The following PDGFRB variants were observed in gnomAD, a reference collection of about 807,000 sequenced individuals.
PDGFRB encodes platelet derived growth factor receptor beta.
In PDGFRB, 42 loss-of-function variants were observed where a neutral mutation model predicts 120.2. The observed-to-expected ratio is 0.35, with a 90% CI of 0.27 to 0.45. The LOEUF is 0.45. Ranked by LOEUF, PDGFRB falls within the 20% of genes least tolerant of loss-of-function variation. The pLI, the probability that PDGFRB is intolerant of heterozygous loss-of-function variation, is 1.00. For missense variants in PDGFRB, 1,149 were observed against 1,476.3 expected (o/e 0.78, Z 3.63); for synonymous variants, 586 against 606.8 (o/e 0.97, Z 0.50).
intron 13 of PDGFRB, 164 bp from the exon 14 acceptor site, chr5:150,124,524 A>G (rs1245582615): frequency 4.8e-6 from 3 of 630,726 alleles, no homozygotes; most frequent in Admixed American, 2.9e-5. Context: ...AGGCCAGGGT[A>G]GGGGGAAGCA....
At chr5:150,123,776 T>C (rs1303486146) in intron 14 of PDGFRB, among the ~76,000 whole-genome samples, 1 of 152,208 alleles carries the variant, frequency 6.6e-6, no homozygotes, top group Non-Finnish European at 1.5e-5. Flanking sequence ...AATCTCACAA[T>C]AAGCAGCTGC....
intron 1 of PDGFRB, among the ~76,000 whole-genome samples, chr5:150,145,108 C>T (rs941285543): frequency 6.6e-6 from 1 of 152,230 alleles, no homozygotes; most frequent in African/African-American, 2.4e-5. Flanking sequence ...CAAGGCCAAC[C>T]CTTCCTCTTC....
At position 150,155,116 on chromosome 5, in the gene PDGFRB, G is replaced by A. The variant is rs955415901; in HGVS notation, c.-7+281C>T. Among the ~76,000 whole-genome samples, 3 of 151,958 alleles carry A rather than the reference G, an allele frequency of 2.0e-5. No homozygotes were observed. The South Asian group carries it at 6.2e-4, about 32-fold the overall frequency. ...CCATTGACTGTGCTGTGCTTTGGAG[G>A]CCCCCAGTCAGCACCCAGAAACCCC... On this transcript the variant is annotated intron_variant, in intron 1 of 22. Coordinates refer to ENST00000261799, the MANE Select transcript of PDGFRB (RefSeq NM_002609.4).
intron 22 of PDGFRB, 92 bp downstream of exon 22, chr5:150,117,526 C>G: frequency 3.1e-6 from 2 of 635,342 alleles, no homozygotes. Context: ...GCAAACCTGG[C>G]AGCGCGCGCG....
chr5:150,115,722 A>T lies in PDGFRB; in HGVS notation c.*41T>A. ...AGGCCAGGAGATGCTGGGTGCTGGC[A>T]GGGGGGGAGCTTCAGGCAGGGCAGG... On this transcript the variant is annotated 3_prime_UTR_variant, in exon 23 of 23. Coordinates refer to ENST00000261799, the MANE Select transcript of PDGFRB (RefSeq NM_002609.4). The T allele has an allele frequency of 6.6e-7, 1 of 1,519,108 alleles. No individual in the cohort carries two copies. Among genetic ancestry groups the T allele is most frequent in the Non-Finnish European group, 8.8e-7 (1 of 1,132,862 alleles). 94.1% of individuals were successfully genotyped at this position (1,519,108 alleles called of 1,614,324 possible). A position where few individuals can be genotyped will look rare whatever the true frequency, so the allele number is the denominator to read the frequency against.
At chr5:150,144,920 C>T (rs1760879727) in intron 1 of PDGFRB, among the ~76,000 whole-genome samples, 2 of 152,174 alleles carry the variant, frequency 1.3e-5, no homozygotes, top group South Asian at 4.1e-4. Flanking sequence ...CCTCCAACAG[C>T]CTTAAAAATA....
chr5:150,126,881 C>T (rs980543966), intron 10 of PDGFRB, among the ~76,000 whole-genome samples: 19 of 152,248 alleles, frequency 1.2e-4, no homozygotes, highest in South Asian at 2.1e-4. Flanking sequence ...GTCAGTCTGG[C>T]CTTGCTGCCA....
At position 150,155,642 on chromosome 5, in the gene PDGFRB, C is replaced by A. The variant is rs1761210428; in HGVS notation, c.-252G>T. On this transcript the variant is annotated 5_prime_UTR_variant, in exon 1 of 23. It removes an upstream start codon present in the reference 5' UTR. Transcript: ENST00000261799. Reference sequence around the variant, plus strand: ...GCCCAGCTTCGCCTCACTCCCCAAGCATCCTTCGGGAGGAGCAGAGCCGCC... The same window carrying A: ...GCCCAGCTTCGCCTCACTCCCCAAGAATCCTTCGGGAGGAGCAGAGCCGCC... The A allele has an allele frequency of 2.5e-6, 1 of 398,786 alleles. No individual in the cohort carries two copies. Among genetic ancestry groups the A allele is most frequent in the Non-Finnish European group, 4.4e-6 (1 of 226,210 alleles). The allele number at this position is 398,786 out of a possible 1,614,324, so 24.7% of individuals were successfully genotyped here. A position where few individuals can be genotyped will look rare whatever the true frequency, so the allele number is the denominator to read the frequency against.
At chr5:150,146,876 C>T (rs1165628240) in intron 1 of PDGFRB, among the ~76,000 whole-genome samples, 1 of 152,226 alleles carries the variant, frequency 6.6e-6, no homozygotes, top group African/African-American at 2.4e-5. Flanking sequence ...ATCTGGGTCC[C>T]GCCTCTGCTC....
At position 150,154,933 on chromosome 5, in the gene PDGFRB, G is replaced by T. The variant is rs368521033; in HGVS notation, c.-7+464C>A. Reference sequence around the variant, plus strand: ...CATTTAAATCCCCAGAGGTTGCCTGGCGGCTGACTGGCCTAAAGCCAGACT... The same window carrying T: ...CATTTAAATCCCCAGAGGTTGCCTGTCGGCTGACTGGCCTAAAGCCAGACT... On this transcript the variant is annotated intron_variant, in intron 1 of 22. Coordinates refer to ENST00000261799, the MANE Select transcript of PDGFRB (RefSeq NM_002609.4). Among the ~76,000 whole-genome samples, 8 of 152,234 alleles carry T rather than the reference G, an allele frequency of 5.3e-5. No individual in the cohort carries two copies. In the South Asian group the frequency reaches 6.2e-4, roughly 12 times the overall value.
chr5:150,120,020 A>G lies in PDGFRB; in HGVS notation c.2690T>C (p.Phe897Ser). 6.5e-7 allele frequency: 1 copy of G among 1,539,470 alleles called. No homozygotes were observed. The highest frequency in any genetic ancestry group is 9.0e-7 in the Non-Finnish European group (1 of 1,112,436). ...GGAGGAAGCAAGCATACCCAAGGTG[A>G]AGATCTCCCAGAGCAGGATCCCGAA... ...WSFGILLWEI[F>S]TLGGTPYPEL... The change falls in exon 19 of 23, where the codon TTC (phenylalanine) becomes TCC (serine). Residue 897 changes from phenylalanine (F) to serine (S), a missense_variant. Phe to Ser is a radical substitution (Grantham distance 155). This residue lies in a region of PDGFRB where 68 missense variants were observed against 153.3 expected (regional missense o/e 0.44). Transcript: ENST00000261799. This position sits in a 1 kb window ranked among gnomAD's most constrained non-coding sequence, Gnocchi z 4.3.
rs548203965 is a variant in PDGFRB, at chr5:150,125,319, C to G, written c.1807+126G>C. 75 of 729,588 alleles carry G rather than the reference C, an allele frequency of 1.0e-4. No homozygotes were observed. In the African/African-American group the frequency reaches 1.3e-3, roughly 12 times the overall value. 45.2% of individuals were successfully genotyped at this position (729,588 alleles called of 1,614,324 possible). A position where few individuals can be genotyped will look rare whatever the true frequency, so the allele number is the denominator to read the frequency against. The stretch of plus-strand genomic sequence containing the variant: ...TTGTACATAGTAGGAGATGGAGGGC[C>G]AGAGAAGGCAAGACACCAGCCCTAG... On this transcript the variant is annotated intron_variant, in intron 12 of 22. Transcript: ENST00000261799.
rs1759904461 is a variant in PDGFRB at position 150,115,684 on chromosome 5, G to A, written c.*79C>T. 7.4e-7 allele frequency: 1 copy of A among 1,352,506 alleles called. No homozygotes were observed. The highest frequency in any genetic ancestry group is 1.5e-5 in the African/African-American group (1 of 67,850). The allele number at this position is 1,352,506 out of a possible 1,614,324, so 83.8% of individuals were successfully genotyped here. ...ATAAGGGCAGCCTGGCTGACAGGAAGCCCGGTCAGGCCAGGCCAGGAGATG... is the reference window on the plus strand; with the variant it reads ...ATAAGGGCAGCCTGGCTGACAGGAAACCCGGTCAGGCCAGGCCAGGAGATG... On this transcript the variant is annotated 3_prime_UTR_variant, in exon 23 of 23. Transcript: ENST00000261799.
intron 2 of PDGFRB, among the ~76,000 whole-genome samples, chr5:150,136,630 G>A (rs1760640910): frequency 6.6e-6 from 1 of 152,160 alleles, no homozygotes; most frequent in African/African-American, 2.4e-5. Context: ...GTGAGGGGTG[G>A]GGTGTGCTGA....
At chr5:150,136,622 G>A (rs1448270276) in intron 2 of PDGFRB, among the ~76,000 whole-genome samples, 1 of 152,146 alleles carries the variant, frequency 6.6e-6, no homozygotes, top group Non-Finnish European at 1.5e-5. Context: ...GGGCAGGAGT[G>A]AGGGGTGGGG....
At chr5:150,118,449 C>A (rs751459307) in intron 21 of PDGFRB, among the ~76,000 whole-genome samples, 2 of 152,156 alleles carry the variant, frequency 1.3e-5, no homozygotes, top group African/African-American at 2.4e-5. Context: ...AGGAGCCCCA[C>A]GGTTCGGTAT....
Position 150,134,997 on chromosome 5 carries a change from G to A in PDGFRB, c.384C>T (p.Leu128=), listed in dbSNP as rs752240160. The change falls in exon 4 of 23, where the codon CTC becomes CTT. Residue 128 remains leucine, a synonymous_variant. Transcript: ENST00000261799. Reference sequence around the variant, plus strand: ...TGAATAGTTCCTCGGCATCATTAGGGAGGAAGCCCACGGTGGGATCTGCCA... The same window carrying A: ...TGAATAGTTCCTCGGCATCATTAGGAAGGAAGCCCACGGTGGGATCTGCCA... ...IFVPDPTVGF[L]PNDAEELFIF... 1.9e-6 allele frequency: 3 copies of A among 1,600,816 alleles called. No homozygotes were observed. Among genetic ancestry groups the A allele is most frequent in the Non-Finnish European group, 2.6e-6 (3 of 1,169,988 alleles).
intron 1 of PDGFRB, chr5:150,153,495 T>C (rs1761139476): frequency 6.6e-6 from 1 of 152,240 alleles, no homozygotes; most frequent in African/African-American, 2.4e-5. Flanking sequence ...ACTCACCGTA[T>C]GGCCCTGGGA....
rs1459034030 is a variant in PDGFRB, at chr5:150,117,534, GCGCGCGCGCGCACA to G, written c.3137+70_3137+83del. On this transcript the variant is annotated intron_variant, in intron 22 of 22. Transcript: ENST00000261799. ...CTCTGAGGCAAACCTGGCAGCGCGCGCGCGCGCGCGCACACACACACACACACACACACACACAC... is the reference window on the plus strand; with the variant it reads ...CTCTGAGGCAAACCTGGCAGCGCGCGCACACACACACACACACACACACAC... 6.2e-3 allele frequency: 4,007 copies of G among 645,592 alleles called. 7 individuals are homozygous for G. The highest frequency in any genetic ancestry group is 7.2e-3 in the Non-Finnish European group (2,772 of 384,696). The allele number at this position is 645,592 out of a possible 1,614,324, so 40.0% of individuals were successfully genotyped here.
Sources: allele counts gnomAD v4.1 joint callset (sites outside exome capture counted in the v4.1 genomes callset), GRCh38; gene constraint gnomAD v4.1.1; regional missense constraint gnomAD v4.1.1; non-coding constraint Gnocchi (gnomAD v3.1); transcripts MANE v1.5; gene names NCBI Gene and HGNC (gene_info 2026-07-23, HGNC 2026-07-21).